SLC7A10: variants seen among roughly 807,000 people sequenced by gnomAD.
SLC7A10 encodes solute carrier family 7 member 10, also known as asc-type amino acid transporter 1.
In SLC7A10, 30 loss-of-function variants were observed where a neutral mutation model predicts 52.7. The ratio of observed to expected loss-of-function variants is 0.57; its 90% confidence interval spans 0.43 to 0.77. The LOEUF (loss-of-function observed/expected upper bound fraction) is 0.77, where lower values mean the gene tolerates loss of function less well. SLC7A10 is among the 30% of genes least tolerant of loss of function. SLC7A10 has a pLI of 0.00. For synonymous variants in SLC7A10, 318 were observed against 314.9 expected (o/e 1.01, Z -0.10); for missense variants, 581 against 698.5 (o/e 0.83, Z 1.90).
At chr19:33,224,140 TG>T (rs1974873913) in intron 1 of SLC7A10, among the ~76,000 whole-genome samples, 1 of 152,116 alleles carries the variant, frequency 6.6e-6, no homozygotes, top group Non-Finnish European at 1.5e-5. Context: ...TGCACCTGCC[TG>T]GCACTGTAGC....
At chr19:33,214,638 C>G (rs893301533) in intron 2 of SLC7A10, among the ~76,000 whole-genome samples, 1 of 152,258 alleles carries the variant, frequency 6.6e-6, no homozygotes, top group Non-Finnish European at 1.5e-5. Context: ...TCACACTTCC[C>G]CCATCCTGGG....
chr19:33,222,454 TA>T (rs1283361578), intron 1 of SLC7A10, among the ~76,000 whole-genome samples: 1,508 of 132,698 alleles, frequency 0.011, 28 homozygotes, highest in Non-Finnish European at 0.016. Flanking sequence ...ATAAATAAAA[TA>T]AAATAAAATA....
intron 10 of SLC7A10, 114 bp from the exon 11 acceptor site, chr19:33,209,135 G>T: frequency 6.4e-7 from 1 of 1,557,140 alleles, no homozygotes. Flanking sequence ...GTCGGTACCC[G>T]TGGTTCTGGA....
chr19:33,217,600 T>C (rs1052858260), intron 1 of SLC7A10, among the ~76,000 whole-genome samples: 2 of 152,176 alleles, frequency 1.3e-5, no homozygotes, highest in African/African-American at 4.8e-5. Context: ...CATCGTTCTC[T>C]ATGCAATGGC....
At chr19:33,216,008 G>A in intron 1 of SLC7A10, 35 bp from the exon 2 acceptor site, 1 of 1,527,534 alleles carries the variant, frequency 6.5e-7, no homozygotes, top group East Asian at 2.3e-5. Flanking sequence ...ATCAGGCCTG[G>A]GGTCCCCTTC....
In SLC7A10 at chr19:33,210,433, A is replaced by T. The variant is rs1339758413; in HGVS notation, c.1263+34T>A. ...TGGATGCAGGGGTGGCTCTGGCAGC[A>T]CCCGGCACAGGGCCAGCTGTCCCAG... On this transcript the variant is annotated intron_variant, in intron 9 of 10. Transcript: ENST00000253188. This position sits in a 1 kb window ranked among gnomAD's most constrained non-coding sequence, Gnocchi z 5.6. 1 of 1,552,548 alleles carries T rather than the reference A, an allele frequency of 6.4e-7. No individual in the cohort carries two copies. Among genetic ancestry groups the T allele is most frequent in the Non-Finnish European group, 8.7e-7 (1 of 1,155,856 alleles).
chr19:33,215,657 C>T (rs955926316), intron 2 of SLC7A10, 112 bp downstream of exon 2: 8 of 1,207,838 alleles, frequency 6.6e-6, no homozygotes, highest in Non-Finnish European at 8.0e-6. Context: ...TCCATCCACC[C>T]CCACGACCTC....
intron 2 of SLC7A10, among the ~76,000 whole-genome samples, chr19:33,214,895 TC>T (rs1974635138): frequency 6.6e-6 from 1 of 152,096 alleles, no homozygotes; most frequent in Non-Finnish European, 1.5e-5. Context: ...TATCACTGCC[TC>T]CCCACCCCCA....
At chr19:33,213,070 G>C (rs747453563) in intron 2 of SLC7A10, 68 bp from the exon 3 acceptor site, 3 of 1,547,768 alleles carry the variant, frequency 1.9e-6, no homozygotes, top group Non-Finnish European at 2.6e-6. Flanking sequence ...TGGCCCTGAT[G>C]TGTGCAGCAG....
chr19:33,216,741 A>G (rs1169522332), intron 1 of SLC7A10, among the ~76,000 whole-genome samples: 4 of 151,932 alleles, frequency 2.6e-5, no homozygotes, highest in African/African-American at 9.7e-5. Flanking sequence ...CGCCTGGCTA[A>G]TATTTTTTGT....
At chr19:33,211,916 G>C in intron 5 of SLC7A10, 1 of 475,032 alleles carries the variant, frequency 2.1e-6, no homozygotes, top group East Asian at 4.1e-5. Flanking sequence ...TCGCTCAGCT[G>C]CAAAGGTTTA....
intron 1 of SLC7A10, among the ~76,000 whole-genome samples, chr19:33,220,703 C>T (rs1020634882): frequency 5.9e-5 from 9 of 152,284 alleles, no homozygotes; most frequent in African/African-American, 2.2e-4. Flanking sequence ...ACCACTCAGC[C>T]GCGGACATCA....
rs965638389 is a variant in SLC7A10 at position 33,210,311 on chromosome 19, G to A, written c.1263+156C>T. 2.0e-5 allele frequency among the ~76,000 whole-genome samples: 3 copies of A among 152,170 alleles called. No individual in the cohort carries two copies. The highest frequency in any genetic ancestry group is 4.4e-5 in the Non-Finnish European group (3 of 68,022). On this transcript the variant is annotated intron_variant, in intron 9 of 10. Coordinates refer to ENST00000253188, the MANE Select transcript of SLC7A10 (RefSeq NM_019849.3). The surrounding 1 kb of genome is among the most constrained non-coding windows in gnomAD (Gnocchi z 5.6). Reference sequence around the variant, plus strand: ...AGCTCTGTCCTCATGGGGCTGCTATGAGGAATGGCTGCCTCAGTGCACAGA... The same window carrying A: ...AGCTCTGTCCTCATGGGGCTGCTATAAGGAATGGCTGCCTCAGTGCACAGA...
Position 33,225,545 on chromosome 19 carries a change from C to T in SLC7A10, c.151+8G>A. On this transcript the variant is annotated splice_region_variant and intron_variant, in intron 1 of 10. Transcript: ENST00000253188. The stretch of plus-strand genomic sequence containing the variant: ...CGCCCGGCGCCCGCCCGCCTGGGTC[C>T]CGCTCACCGATGATGATGGTGCAGG... 1 of 1,596,272 alleles carries T rather than the reference C, an allele frequency of 6.3e-7. No homozygotes were observed. Among genetic ancestry groups the T allele is most frequent in the Non-Finnish European group, 8.5e-7 (1 of 1,179,190 alleles).
At position 33,225,562 on chromosome 19, in the gene SLC7A10, T is replaced by C. The variant is rs756264255; in HGVS notation, c.142A>G (p.Ile48Val). The C allele has an allele frequency of 1.9e-6, 3 of 1,596,398 alleles. No homozygotes were observed. The highest frequency in any genetic ancestry group is 1.3e-5 in the African/African-American group (1 of 74,858). Residue 48 changes from isoleucine to valine, a missense_variant, in exon 1 of 11, where the codon ATC (isoleucine) becomes GTC (valine). Physicochemically the swap from Ile to Val is conservative, Grantham distance 29. Coordinates refer to ENST00000253188, the MANE Select transcript of SLC7A10 (RefSeq NM_019849.3). Reference sequence around the variant, plus strand: ...CCTGGGTCCCGCTCACCGATGATGATGGTGCAGGCGCTCAGCAGCCCGATC... The same window carrying C: ...CCTGGGTCCCGCTCACCGATGATGACGGTGCAGGCGCTCAGCAGCCCGATC... ...KEIGLLSACT[I>V]IIGNIIGSGI...
At position 33,210,357 on chromosome 19, in the gene SLC7A10, C is replaced by T. The variant is rs1974515152; in HGVS notation, c.1263+110G>A. On this transcript the variant is annotated intron_variant, in intron 9 of 10. Transcript: ENST00000253188. This position sits in a 1 kb window ranked among gnomAD's most constrained non-coding sequence, Gnocchi z 5.6. ...ACAGAGAGCCCTGAGCAGGGCCCAA[C>T]ACTCCACAAAAGCTGGCACCTCCCA... 7.2e-7 allele frequency: 1 copy of T among 1,379,450 alleles called. No individual in the cohort carries two copies. Among genetic ancestry groups the T allele is most frequent in the Non-Finnish European group, 9.9e-7 (1 of 1,013,350 alleles). The allele number at this position is 1,379,450 out of a possible 1,614,324, so 85.5% of individuals were successfully genotyped here. A position where few individuals can be genotyped will look rare whatever the true frequency, so the allele number is the denominator to read the frequency against.
At chr19:33,215,183 A>C (rs922750109) in intron 2 of SLC7A10, among the ~76,000 whole-genome samples, 11 of 150,176 alleles carry the variant, frequency 7.3e-5, no homozygotes, top group African/African-American at 2.2e-4. Flanking sequence ...CAGGAGAATC[A>C]CTTGAACCTG....
Position 33,210,643 on chromosome 19 carries a change from T to C in SLC7A10, c.1114-27A>G. Reference sequence around the variant, plus strand: ...TGGGAGAGGACCTGGGGCTGACGGCTGGCCCCTAGCCTGCCTCCTGACGCC... The same window carrying C: ...TGGGAGAGGACCTGGGGCTGACGGCCGGCCCCTAGCCTGCCTCCTGACGCC... On this transcript the variant is annotated intron_variant, in intron 8 of 10. Coordinates refer to ENST00000253188, the MANE Select transcript of SLC7A10 (RefSeq NM_019849.3). This position sits in a 1 kb window ranked among gnomAD's most constrained non-coding sequence, Gnocchi z 5.6. 6.2e-7 allele frequency: 1 copy of C among 1,610,344 alleles called. No individual in the cohort carries two copies.
chr19:33,218,696 T>TCTTTCTCTCTCTCTCTCTCTCTCTCTC (rs1599956014), intron 1 of SLC7A10, among the ~76,000 whole-genome samples: 1 of 73,864 alleles, frequency 1.4e-5, no homozygotes, highest in Non-Finnish European at 4.4e-5. Context: ...TTTTTTTTTT[T>TCTTTCTCTCTCTCTCTCTCTCTCTCTC]TAGTAGAGAT....
Sources: allele counts gnomAD v4.1 joint callset (sites outside exome capture counted in the v4.1 genomes callset), GRCh38; gene constraint gnomAD v4.1.1; non-coding constraint Gnocchi (gnomAD v3.1); transcripts MANE v1.5; gene names NCBI Gene and HGNC (gene_info 2026-07-23, HGNC 2026-07-21).